Variants in FN1 observed in about 807,000 individuals in gnomAD.
FN1 encodes the protein fibronectin.
FN1 carries 106 observed loss-of-function variants against 297.3 expected under a neutral mutation model. The observed-to-expected ratio is 0.36, with a 90% CI of 0.30 to 0.42. The LOEUF (loss-of-function observed/expected upper bound fraction) is 0.42, where lower values mean the gene tolerates loss of function less well. Ranked by LOEUF, FN1 falls within the 10% of genes least tolerant of loss-of-function variation. The pLI, the probability that FN1 is intolerant of heterozygous loss-of-function variation, is 1.00. For missense variants in FN1, 2,690 were observed against 3,124.9 expected (o/e 0.86, Z 3.32); for synonymous variants, 1,149 against 1,152.6 (o/e 1.00, Z 0.06).
At position 215,425,201 on chromosome 2, in the gene FN1, G is replaced by A; in HGVS notation, c.929C>T (p.Thr310Ile). ...PQPPPYGHCV[T>I]DSGVVYSVGM... is the part of the protein sequence containing the mutation. ...CACAGAGTAGACCACACCACTGTCT[G>A]TGACACAGTGGCCATAGGGAGGAGG... The change falls in exon 7 of 46, where the codon ACA becomes ATA. Residue 310 changes from threonine to isoleucine, a missense_variant. Thr to Ile is a moderately conservative substitution (Grantham distance 89). Around this residue, in one of 3 missense-constraint regions of FN1, gnomAD observed 876 missense variants for 1,058.1 expected, o/e 0.83. Transcript: ENST00000354785. The A allele has an allele frequency of 1.2e-6, 2 of 1,613,910 alleles. No individual in the cohort carries two copies. Among genetic ancestry groups the A allele is most frequent in the East Asian group, 2.2e-5 (1 of 44,872 alleles).
chr2:215,427,116 C>G (rs1360277620), intron 6 of FN1, among the ~76,000 whole-genome samples: 1 of 152,072 alleles, frequency 6.6e-6, no homozygotes, highest in Non-Finnish European at 1.5e-5. Flanking sequence ...ACCTCGTGAT[C>G]CGCCTGCCTC....
chr2:215,361,503 A>G lies in FN1; in HGVS notation c.*52T>C. The G allele has an allele frequency of 7.9e-7, 1 of 1,273,118 alleles. No individual in the cohort carries two copies. The allele number at this position is 1,273,118 out of a possible 1,614,324, so 78.9% of individuals were successfully genotyped here. ...GGGTCTGCTAACATCACTCCAGTTT[A>G]GATGGATCTTGGCAGAGAGACATGC... On this transcript the variant is annotated 3_prime_UTR_variant, in exon 46 of 46. Transcript: ENST00000354785.
At chr2:215,378,061 G>T in intron 35 of FN1, 114 bp downstream of exon 35, 1 of 763,322 alleles carries the variant, frequency 1.3e-6, no homozygotes, top group Non-Finnish European at 2.3e-6. Context: ...TCCCGCCTCA[G>T]CTTCCCAAAG....
At chr2:215,391,893 C>T (rs1455877460) in intron 25 of FN1, 79 bp from the exon 26 acceptor site, 1 of 1,165,190 alleles carries the variant, frequency 8.6e-7, no homozygotes, top group African/African-American at 1.5e-5. Flanking sequence ...AAGGTAAAAT[C>T]AATATTTCAT....
At chr2:215,377,961 A>T (rs1234498988) in intron 35 of FN1, among the ~76,000 whole-genome samples, 1 of 152,078 alleles carries the variant, frequency 6.6e-6, no homozygotes, top group Non-Finnish European at 1.5e-5. Flanking sequence ...AATCTAAAAA[A>T]TTATTTATTT....
intron 39 of FN1, 28 bp from the exon 40 acceptor site, chr2:215,372,403 A>T (rs1328880013): frequency 6.5e-7 from 1 of 1,545,506 alleles, no homozygotes; most frequent in Non-Finnish European, 8.9e-7. Flanking sequence ...GAGCCAAAAA[A>T]GCAAAGCGCA....
chr2:215,391,475 A>T (rs1438954032), intron 26 of FN1, among the ~76,000 whole-genome samples, 157 bp downstream of exon 26: 1 of 152,214 alleles, frequency 6.6e-6, no homozygotes, highest in Non-Finnish European at 1.5e-5. Context: ...CAAACATTAC[A>T]TCTTTCAAAA....
At chr2:215,427,465 A>G (rs1277620729) in intron 6 of FN1, among the ~76,000 whole-genome samples, 1 of 152,226 alleles carries the variant, frequency 6.6e-6, no homozygotes, top group Non-Finnish European at 1.5e-5. Flanking sequence ...TTTTTATGAA[A>G]CATTTATGAC....
intron 21 of FN1, among the ~76,000 whole-genome samples, chr2:215,398,613 G>A (rs1525352): frequency 0.58 from 88,526 of 152,028 alleles, 26,201 homozygotes; most frequent in East Asian, 0.93. Flanking sequence ...TTTTTTAAAC[G>A]ATCAAGGGGA....
Position 215,419,250 on chromosome 2 carries a change from G to C in FN1, c.1811C>G (p.Thr604Ser), listed in dbSNP as rs1434252344. The change falls in exon 12 of 46, where the codon ACC becomes AGC. Residue 604 changes from threonine to serine, a missense_variant. Coordinates refer to ENST00000354785, the MANE Select transcript of FN1 (RefSeq NM_212482.4). ...IGEWHCQPLQTYPSSSGPVEV... is the reference protein window; with the variant it reads ...IGEWHCQPLQSYPSSSGPVEV... ...GTAATAGAGCTACTTACTTGGATAGGTCTGTAAAGGTTGGCAATGCCACTC... is the reference window on the plus strand; with the variant it reads ...GTAATAGAGCTACTTACTTGGATAGCTCTGTAAAGGTTGGCAATGCCACTC... 2.5e-6 allele frequency: 4 copies of C among 1,613,860 alleles called. No homozygotes were observed.
At chr2:215,407,743 C>G (rs546749361) in intron 17 of FN1, among the ~76,000 whole-genome samples, 7 of 152,252 alleles carry the variant, frequency 4.6e-5, no homozygotes, top group African/African-American at 1.7e-4. Context: ...ACCTAATGAG[C>G]TAAGACGACA....
chr2:215,428,907 C>T (rs1266022488), intron 5 of FN1, among the ~76,000 whole-genome samples: 2 of 151,978 alleles, frequency 1.3e-5, no homozygotes, highest in Non-Finnish European at 2.9e-5. Flanking sequence ...CCAAGCTACT[C>T]GGGAAGCTGA....
intron 28 of FN1, 105 bp downstream of exon 28, chr2:215,386,584 T>G (rs2059034088): frequency 1.7e-6 from 1 of 588,708 alleles, no homozygotes; most frequent in Non-Finnish European, 2.7e-6. Context: ...TTTTTTTTTT[T>G]TTTTTTTTTT....
rs1255039426 is a variant in FN1 at position 215,419,216 on chromosome 2, C to T, written c.1819+26G>A. On this transcript the variant is annotated intron_variant, in intron 12 of 45. Coordinates refer to ENST00000354785, the MANE Select transcript of FN1 (RefSeq NM_212482.4). ...TTGTTATAACCCAATTGGCAGTTCT[C>T]AACTTGCAGTAATAGAGCTACTTAC... 3.1e-6 allele frequency: 5 copies of T among 1,611,750 alleles called. No homozygotes were observed. In the East Asian group the frequency reaches 8.9e-5, roughly 29 times the overall value.
At chr2:215,402,969 A>C (rs1178243000) in intron 20 of FN1, among the ~76,000 whole-genome samples, 1 of 152,184 alleles carries the variant, frequency 6.6e-6, no homozygotes, top group Non-Finnish European at 1.5e-5. Context: ...GAAACTACAT[A>C]AAATATGTCT....
chr2:215,409,749 C>G lies in FN1; in HGVS notation c.2123-10G>C, dbSNP rs780179397. The G allele has an allele frequency of 2.4e-5, 39 of 1,613,850 alleles. No individual in the cohort carries two copies. Among genetic ancestry groups the G allele is most frequent in the Non-Finnish European group, 2.1e-5 (25 of 1,179,942 alleles). On this transcript the variant is annotated splice_polypyrimidine_tract_variant and intron_variant, in intron 14 of 45. Coordinates refer to ENST00000354785, the MANE Select transcript of FN1 (RefSeq NM_212482.4). ...CCTGTCACGGTGTTGCCTAGAGAGTCACAGAAAGGGGAAAGTCAGCCTTCA... is the reference window on the plus strand; with the variant it reads ...CCTGTCACGGTGTTGCCTAGAGAGTGACAGAAAGGGGAAAGTCAGCCTTCA...
rs1363690907 is a variant in FN1 at position 215,361,358 on chromosome 2, T to C, written c.*197A>G. On this transcript the variant is annotated 3_prime_UTR_variant, in exon 46 of 46. Coordinates refer to ENST00000354785, the MANE Select transcript of FN1 (RefSeq NM_212482.4). Reference sequence around the variant, plus strand: ...CAGAACAGGCAATGTGCAGCCCTCATTTATGAGAAAACCCTCAGGAAACTC... The same window carrying C: ...CAGAACAGGCAATGTGCAGCCCTCACTTATGAGAAAACCCTCAGGAAACTC... 7.9e-6 allele frequency: 5 copies of C among 634,628 alleles called. No homozygotes were observed. Among genetic ancestry groups the C allele is most frequent in the East Asian group, 2.7e-5 (1 of 36,738 alleles). 39.3% of individuals were successfully genotyped at this position (634,628 alleles called of 1,614,324 possible).
At chr2:215,430,607 C>T in intron 5 of FN1, 108 bp downstream of exon 5, 1 of 1,306,480 alleles carries the variant, frequency 7.7e-7, no homozygotes, top group African/African-American at 1.5e-5. Context: ...GTTACCAAAG[C>T]ATGCTGATAT....
At chr2:215,394,441 C>T (rs1381543649) in intron 24 of FN1, 87 bp downstream of exon 24, 6 of 1,130,664 alleles carry the variant, frequency 5.3e-6, no homozygotes, top group South Asian at 2.5e-5. Flanking sequence ...ATATAGTTGA[C>T]ACCCTTAAGC....
Sources: gnomAD v4.1 joint callset for allele counts (sites outside exome capture counted in the v4.1 genomes callset) on GRCh38, gnomAD v4.1.1 for gene constraint, gnomAD v4.1.1 regional missense constraint, MANE v1.5 for transcripts, NCBI Gene and HGNC (gene_info 2026-07-23, HGNC 2026-07-21) for gene names.